The following MAGEA11 variants were observed in gnomAD, a reference collection of about 807,000 sequenced individuals.
The protein encoded by MAGEA11 is melanoma-associated antigen 11.
In MAGEA11, 1 loss-of-function variant was observed where a neutral mutation model predicts 8.4. The ratio of observed to expected loss-of-function variants is 0.12; its 90% CI spans 0.04 to 0.57. MAGEA11 has a LOEUF of 0.57. MAGEA11 is among the 20% of genes least tolerant of loss of function. The probability of loss-of-function intolerance (pLI) is 0.91; values close to 1 mark genes in which losing one functional copy is unlikely to be tolerated. For missense variants in MAGEA11, 209 were observed against 317.3 expected (o/e 0.66, Z 2.59); for synonymous variants, 127 against 119.3 (o/e 1.06, Z -0.42).
chrX:149,696,070 G>A (rs1193748831), intron 1 of MAGEA11, among the ~76,000 whole-genome samples: 1 of 110,955 alleles, frequency 9.0e-6, no homozygotes, highest in East Asian at 2.8e-4. Flanking sequence ...CACTGCTTAG[G>A]GCTGAGTGGG....
At chrX:149,707,385 A>G (rs934277908), upstream of MAGEA11, among the ~76,000 whole-genome samples, 13 of 111,924 alleles carry the variant, frequency 1.2e-4, no homozygotes, top group Middle Eastern at 4.6e-3. Context: ...AGTAGATTTA[A>G]TGGTTAACTT....
At chrX:149,704,831 G>A (rs1180781123) in intron 1 of MAGEA11, among the ~76,000 whole-genome samples, 4 of 112,173 alleles carry the variant, frequency 3.6e-5, no homozygotes, top group Non-Finnish European at 7.5e-5. Context: ...AATTTCCTTC[G>A]AGCCAACTCC....
At chrX:149,700,834 C>T (rs782783448) in intron 1 of MAGEA11, among the ~76,000 whole-genome samples, 1,157 of 103,367 alleles carry the variant, frequency 0.011, 23 homozygotes, top group African/African-American at 0.038. Flanking sequence ...TTTGTTCTTG[C>T]GATAGTTTAC....
At chrX:149,699,250 G>A (rs2090341990) in intron 1 of MAGEA11, among the ~76,000 whole-genome samples, 1 of 111,772 alleles carries the variant, frequency 8.9e-6, no homozygotes, top group Admixed American at 9.5e-5. Context: ...TCTCCCTCTT[G>A]TCTTTTGGGC....
exon 1 of MAGEA11, chrX:149,688,927 G>C (rs1557359908): frequency 2.9e-6 from 3 of 1,019,461 alleles, no homozygotes; most frequent in Admixed American, 2.5e-5. Context: ...TGCTATGCAA[G>C]TGGAGCTGGT....
chrX:149,705,389 G>A (rs781905825), intron 1 of MAGEA11, among the ~76,000 whole-genome samples: 9 of 112,013 alleles, frequency 8.0e-5, no homozygotes, highest in South Asian at 3.8e-4. Flanking sequence ...TTTGCCTGCC[G>A]TCATCCACGT....
intron 1 of MAGEA11, among the ~76,000 whole-genome samples, chrX:149,697,680 G>A (rs951228948): frequency 1.8e-5 from 2 of 111,050 alleles, no homozygotes; most frequent in Non-Finnish European, 3.8e-5. Flanking sequence ...ATGGTTTTGT[G>A]TGCCAGGCCC....
In MAGEA11 at chrX:149,716,188, C is replaced by G; in HGVS notation, c.702C>G (p.Leu234=). The G allele has an allele frequency of 8.3e-7, 1 of 1,211,646 alleles. No individual in the cohort carries two copies. Among genetic ancestry groups the G allele is most frequent in the Non-Finnish European group, 1.1e-6 (1 of 895,250 alleles). The change falls in exon 5 of 5, where the codon CTC becomes CTG. Residue 234 remains leucine (L), a synonymous_variant. Transcript: ENST00000355220. ...TAATTGATTTGGTTCATTTATTGCT[C>G]CGCAAGTATCGAGTCAAGGGGCTGA... ...DKIIDLVHLL[L]RKYRVKGLIT...
intron 1 of MAGEA11, among the ~76,000 whole-genome samples, chrX:149,705,362 G>T (rs7061654): frequency 1.3e-3 from 144 of 111,714 alleles, no homozygotes; most frequent in African/African-American, 4.2e-3. Context: ...AATGAGAGTT[G>T]CCCTGCACAA....
chrX:149,697,179 A>G (rs1557360610), intron 1 of MAGEA11, among the ~76,000 whole-genome samples: 2 of 110,100 alleles, frequency 1.8e-5, no homozygotes, highest in Non-Finnish European at 3.8e-5. Flanking sequence ...ACACCCCTTG[A>G]CCCTGTGCCC....
At chrX:149,709,233 T>C (rs1557361724), upstream of MAGEA11, among the ~76,000 whole-genome samples, 1 of 106,296 alleles carries the variant, frequency 9.4e-6, no homozygotes, top group Non-Finnish European at 1.9e-5. Flanking sequence ...TGCAGTGAGC[T>C]GAGATTGTGC....
rs375500691 is a variant in MAGEA11 at position 149,716,611 on chromosome X, C to T, written c.1125C>T (p.Pro375=). 12 of 1,209,901 alleles carry T rather than the reference C, an allele frequency of 9.9e-6. No homozygotes were observed. The highest frequency in any genetic ancestry group is 6.5e-5 in the Admixed American group (3 of 45,825). Reference sequence around the variant, plus strand: ...AGTACCTGGTGTACCGGCAGGTGCCCGGCACTGATCCTGCATGCTATGAGT... The same window carrying T: ...AGTACCTGGTGTACCGGCAGGTGCCTGGCACTGATCCTGCATGCTATGAGT... ...QEKYLVYRQV[P]GTDPACYEFL... is the part of the protein sequence containing the mutation. Residue 375 remains proline (P), a synonymous_variant, in exon 5 of 5, where the codon CCC becomes CCT. Transcript: ENST00000355220.
At position 149,689,074 on chromosome X, in the gene MAGEA11, A is replaced by G. The variant is rs1187473293; in HGVS notation, c.9+90A>G. On this transcript the variant is annotated intron_variant, in intron 1 of 3. Coordinates refer to the MAGEA11 transcript ENST00000333104. ...CAGTAACTATAGATAAAGGGCTATGAAAAATGATCCAGATGATGTTCCCAG... is the reference window on the plus strand; with the variant it reads ...CAGTAACTATAGATAAAGGGCTATGGAAAATGATCCAGATGATGTTCCCAG... 5 of 820,373 alleles carry G rather than the reference A, an allele frequency of 6.1e-6. No individual in the cohort carries two copies. The East Asian group carries it at 3.2e-4, about 53-fold the overall frequency. The allele number at this position is 820,373 out of a possible 1,213,427, so 67.6% of individuals were successfully genotyped here.
chrX:149,703,997 C>A (rs782725291), intron 1 of MAGEA11, among the ~76,000 whole-genome samples: 2 of 112,228 alleles, frequency 1.8e-5, no homozygotes, highest in South Asian at 7.4e-4. Context: ...AACTTACTTT[C>A]TTATGGGTTC....
Position 149,716,579 on chromosome X carries a change from C to G in MAGEA11, c.1093C>G (p.Gln365Glu), listed in dbSNP as rs2090428075. ...PKRLLTQNWVQEKYLVYRQVP... is the reference protein window; with the variant it reads ...PKRLLTQNWVEEKYLVYRQVP... ...GAGGCTCCTTACCCAAAATTGGGTG[C>G]AGGAAAAGTACCTGGTGTACCGGCA... The change falls in exon 5 of 5, where the codon CAG becomes GAG. Residue 365 changes from glutamine to glutamate, a missense_variant. By Grantham distance (29) the Gln-to-Glu change is conservative. This residue lies in a region of MAGEA11 where 78 missense variants were observed against 178.8 expected (regional missense o/e 0.44). Coordinates refer to ENST00000355220, the MANE Select transcript of MAGEA11 (RefSeq NM_005366.5). 8.3e-7 allele frequency: 1 copy of G among 1,209,514 alleles called. No homozygotes were observed. Among genetic ancestry groups the G allele is most frequent in the Non-Finnish European group, 1.1e-6 (1 of 894,828 alleles).
intron 1 of MAGEA11, among the ~76,000 whole-genome samples, chrX:149,694,287 TTTTGA>T (rs1557360373): frequency 1.8e-5 from 2 of 112,474 alleles, no homozygotes; most frequent in Non-Finnish European, 3.8e-5. Flanking sequence ...CTCATTGTGA[TTTTGA>T]TTTGTGTTTC....
chrX:149,696,855 G>C (rs963517112), intron 1 of MAGEA11, among the ~76,000 whole-genome samples: 1 of 111,686 alleles, frequency 9.0e-6, no homozygotes, highest in Non-Finnish European at 1.9e-5. Context: ...CCCTCTGCTC[G>C]GGCAGGTCGA....
intron 1 of MAGEA11, among the ~76,000 whole-genome samples, chrX:149,706,358 G>T (rs1210192765): frequency 9.0e-6 from 1 of 111,012 alleles, no homozygotes; most frequent in African/African-American, 3.3e-5. Context: ...TGGCTCTTTG[G>T]GTAGCTGACA....
rs782460440 is a variant in MAGEA11, at chrX:149,715,838, C to A, written c.352C>A (p.Gln118Lys). Reference protein sequence around the residue: ...RVIMPLEQRSQHCKPEEGLQA... With the variant: ...RVIMPLEQRSKHCKPEEGLQA... Reference sequence around the variant, plus strand: ...CATCATGCCTCTTGAGCAAAGAAGTCAGCACTGCAAGCCTGAGGAAGGCCT... The same window carrying A: ...CATCATGCCTCTTGAGCAAAGAAGTAAGCACTGCAAGCCTGAGGAAGGCCT... The change falls in exon 5 of 5, where the codon CAG becomes AAG. Residue 118 changes from glutamine (Q) to lysine (K), a missense_variant. By Grantham distance (53) the Gln-to-Lys change is moderately conservative. Coordinates refer to ENST00000355220, the MANE Select transcript of MAGEA11 (RefSeq NM_005366.5). 1 of 1,210,709 alleles carries A rather than the reference C, an allele frequency of 8.3e-7. No individual in the cohort carries two copies. The highest frequency in any genetic ancestry group is 1.1e-6 in the Non-Finnish European group (1 of 895,029).
Sources: allele counts gnomAD v4.1 joint callset (sites outside exome capture counted in the v4.1 genomes callset), GRCh38; gene constraint gnomAD v4.1.1; regional missense constraint gnomAD v4.1.1; transcripts MANE v1.5; gene names NCBI Gene and HGNC (gene_info 2026-07-23, HGNC 2026-07-21).